The following SPTBN1 variants were observed in gnomAD, a reference collection of about 807,000 sequenced individuals.
SPTBN1 encodes spectrin beta, non-erythrocytic 1.
SPTBN1 carries 32 observed loss-of-function variants against 266.4 expected under a neutral mutation model. The observed-to-expected ratio is 0.12, with a 90% CI of 0.09 to 0.16. The LOEUF (loss-of-function observed/expected upper bound fraction) is 0.16, where lower values mean the gene tolerates loss of function less well. SPTBN1 is among the 10% of genes least tolerant of loss of function. The probability of loss-of-function intolerance (pLI) is 1.00; values close to 1 mark genes in which losing one functional copy is unlikely to be tolerated. For missense variants in SPTBN1, 2,296 were observed against 3,067.1 expected (o/e 0.75, Z 5.94); for synonymous variants, 1,336 against 1,162.2 (o/e 1.15, Z -3.04).
chr2:54,633,114 C>T (rs1167650610), intron 17 of SPTBN1, among the ~76,000 whole-genome samples: 1 of 152,180 alleles, frequency 6.6e-6, no homozygotes, highest in African/African-American at 2.4e-5. Flanking sequence ...CCTGATAGGA[C>T]CCCTGGCGCC....
intron 2 of SPTBN1, among the ~76,000 whole-genome samples, chr2:54,546,924 G>C (rs896561205): frequency 6.8e-6 from 1 of 147,798 alleles, no homozygotes; most frequent in African/African-American, 2.5e-5. Flanking sequence ...TGTCTTTACT[G>C]AAGTATGTTT....
chr2:54,606,397 A>G (rs562744366), intron 3 of SPTBN1, among the ~76,000 whole-genome samples: 2 of 152,286 alleles, frequency 1.3e-5, no homozygotes, highest in East Asian at 1.9e-4. Flanking sequence ...TCATGAAGAC[A>G]CTTTGTTTGT....
Position 54,653,591 on chromosome 2 carries a change from C to A in SPTBN1, c.5578-18C>A. 6.2e-7 allele frequency: 1 copy of A among 1,611,634 alleles called. No homozygotes were observed. The highest frequency in any genetic ancestry group is 8.5e-7 in the Non-Finnish European group (1 of 1,179,410). On this transcript the variant is annotated intron_variant, in intron 26 of 35. Transcript: ENST00000356805. This position sits in a 1 kb window ranked among gnomAD's most constrained non-coding sequence, Gnocchi z 5.1. ...CCGCCATGGGCTGACCTGGCTCATC[C>A]CCTACATGGCTTCACAGGTGAGGCA...
intron 1 of SPTBN1, among the ~76,000 whole-genome samples, chr2:54,460,094 C>T (rs1004982541): frequency 2.6e-5 from 4 of 152,170 alleles, no homozygotes; most frequent in Non-Finnish European, 5.9e-5. Context: ...ACATTAGAAT[C>T]GCCTGGAAGC....
At chr2:54,493,412 T>TGGCGGG (rs1553433739) in intron 1 of SPTBN1, among the ~76,000 whole-genome samples, 3 of 146,698 alleles carry the variant, frequency 2.0e-5, no homozygotes, top group East Asian at 2.0e-4. Flanking sequence ...TTTTCTTTTT[T>TGGCGGG]GGGGGGTTGG....
chr2:54,547,867 A>G (rs969964200), intron 2 of SPTBN1, among the ~76,000 whole-genome samples: 1 of 152,204 alleles, frequency 6.6e-6, no homozygotes, highest in Non-Finnish European at 1.5e-5. Context: ...AGTTGTGGCC[A>G]GGCGTGGTGG....
At position 54,626,111 on chromosome 2, in the gene SPTBN1, C is replaced by T. The variant is rs374624032; in HGVS notation, c.1521C>T (p.Ile507=). ...TCACAGCGAGGAAGGACAATGTCAT[C>T]CGGCTCTGGGAATACCTACTGGAAC... is the stretch of plus-strand genomic sequence containing the variant. ...KRITARKDNV[I]RLWEYLLELL... Residue 507 remains isoleucine (I), a synonymous_variant, in exon 12 of 36, where the codon ATC becomes ATT. Transcript: ENST00000356805. The surrounding 1 kb of genome is among the most constrained non-coding windows in gnomAD (Gnocchi z 4.7). 1.2e-6 allele frequency: 2 copies of T among 1,614,052 alleles called. No homozygotes were observed. Among genetic ancestry groups the T allele is most frequent in the East Asian group, 2.2e-5 (1 of 44,894 alleles).
intron 1 of SPTBN1, among the ~76,000 whole-genome samples, chr2:54,486,814 A>G (rs541870418): frequency 5.3e-5 from 8 of 152,248 alleles, no homozygotes; most frequent in African/African-American, 1.9e-4. Flanking sequence ...GATAATTTAG[A>G]TTTTGATGTT....
chr2:54,646,033 C>T lies in SPTBN1; in HGVS notation c.4584+16C>T, dbSNP rs762899716. 1.4e-5 allele frequency: 23 copies of T among 1,613,970 alleles called. No individual in the cohort carries two copies. In the East Asian group the frequency reaches 2.9e-4, roughly 20 times the overall value. On this transcript the variant is annotated intron_variant, in intron 22 of 35. Transcript: ENST00000356805. This position sits in a 1 kb window ranked among gnomAD's most constrained non-coding sequence, Gnocchi z 4.4. The stretch of plus-strand genomic sequence containing the variant: ...GAAAAATCAGGTAAGCCTTTCTGCT[C>T]GAGCTAGTTCTGTCTGATAAATAAT...
chr2:54,462,795 C>G (rs779915653), intron 1 of SPTBN1, among the ~76,000 whole-genome samples: 13 of 152,350 alleles, frequency 8.5e-5, no homozygotes, highest in Middle Eastern at 3.4e-3. Flanking sequence ...TAGATGAAAT[C>G]ATAGTGGGGG....
intron 3 of SPTBN1, among the ~76,000 whole-genome samples, chr2:54,607,791 A>T (rs1355687041): frequency 2.0e-5 from 3 of 152,088 alleles, no homozygotes; most frequent in Non-Finnish European, 4.4e-5. Flanking sequence ...TGAAAATAAA[A>T]TTTTTCTACT....
intron 1 of SPTBN1, among the ~76,000 whole-genome samples, chr2:54,522,549 T>A (rs1670503817): frequency 1.3e-5 from 2 of 151,524 alleles, no homozygotes; most frequent in South Asian, 4.2e-4. Context: ...GAGAATTGCT[T>A]GAACCTGGGA....
chr2:54,611,614 C>G (rs1330838487), intron 3 of SPTBN1, among the ~76,000 whole-genome samples: 3 of 151,768 alleles, frequency 2.0e-5, no homozygotes, highest in African/African-American at 4.8e-5. Context: ...TTTCCCTTTT[C>G]CCCTTCTTTT....
At chr2:54,640,733 G>A (rs1235795815) in intron 18 of SPTBN1, among the ~76,000 whole-genome samples, 1 of 152,152 alleles carries the variant, frequency 6.6e-6, no homozygotes, top group Non-Finnish European at 1.5e-5. Flanking sequence ...TGTATTTTTA[G>A]TAGAGACGAG....
intron 1 of SPTBN1, among the ~76,000 whole-genome samples, chr2:54,518,874 ACT>A (rs1670267587): frequency 6.6e-6 from 1 of 152,130 alleles, no homozygotes; most frequent in African/African-American, 2.4e-5. Context: ...TTGTTGCTTT[ACT>A]CTCTGAAATC....
At chr2:54,496,496 A>G (rs888626440) in intron 1 of SPTBN1, among the ~76,000 whole-genome samples, 2 of 150,794 alleles carry the variant, frequency 1.3e-5, no homozygotes, top group Non-Finnish European at 3.0e-5. Flanking sequence ...TTTTTTTGGA[A>G]TACTTTTATC....
At chr2:54,579,678 C>T (rs984161955) in intron 2 of SPTBN1, among the ~76,000 whole-genome samples, 1 of 152,074 alleles carries the variant, frequency 6.6e-6, no homozygotes, top group African/African-American at 2.4e-5. Context: ...TTTGTAAGTC[C>T]CGAGAACTCC....
At chr2:54,659,112 A>C in intron 30 of SPTBN1, 42 bp from the exon 31 acceptor site, 4 of 1,603,698 alleles carry the variant, frequency 2.5e-6, no homozygotes, top group Non-Finnish European at 3.4e-6. Context: ...GAAAAGAGGC[A>C]GAGTTTGGGA....
At chr2:54,637,642 T>G in intron 17 of SPTBN1, 71 bp from the exon 18 acceptor site, 1 of 1,208,332 alleles carries the variant, frequency 8.3e-7, no homozygotes, top group South Asian at 1.3e-5. Context: ...GGAAATAAAT[T>G]GATTTGTATT....
Sources: allele counts gnomAD v4.1 joint callset (sites outside exome capture counted in the v4.1 genomes callset), GRCh38; gene constraint gnomAD v4.1.1; non-coding constraint Gnocchi (gnomAD v3.1); transcripts MANE v1.5; gene names NCBI Gene and HGNC (gene_info 2026-07-23, HGNC 2026-07-21).